The following SVOP variants were observed in gnomAD, a reference collection of about 807,000 sequenced individuals.
The protein encoded by SVOP is SV2 related protein.
A neutral mutation model predicts 69.1 loss-of-function variants in SVOP; 17 were observed. That is an observed-to-expected ratio of 0.25 (90% confidence interval 0.17 to 0.37). The LOEUF is 0.37. Ranked by LOEUF, SVOP falls within the 10% of genes least tolerant of loss-of-function variation. The pLI, the probability that SVOP is intolerant of heterozygous loss-of-function variation, is 1.00. For synonymous variants in SVOP, 238 were observed against 238.6 expected, an observed-to-expected ratio of 1.00 and a Z score of 0.02; for missense variants, 435 against 597.5, an observed-to-expected ratio of 0.73 and a Z score of 2.84.
At chr12:108,930,382 C>T (rs2039809296) in intron 11 of SVOP, among the ~76,000 whole-genome samples, 2 of 149,744 alleles carry the variant, frequency 1.3e-5, no homozygotes, top group South Asian at 4.2e-4. Flanking sequence ...AATTGCTGGA[C>T]TGGTTACAGC....
Position 108,983,666 on chromosome 12 carries a change from C to A in SVOP, c.131G>T (p.Gly44Val). ...ATCATCCAGCTCCACAGCCTCTAGG[C>A]CCACGTGGACCCCTTCAATCTGGAC... is the stretch of plus-strand genomic sequence containing the variant. The part of the protein sequence containing the change: ...HEVQIEGVHV[G>V]LEAVELDDGA... Residue 44 changes from glycine to valine, a missense_variant, in exon 2 of 16, where the codon GGC becomes GTC. Physicochemically the swap from Gly to Val is moderately radical, Grantham distance 109. Transcript: ENST00000610966. The A allele has an allele frequency of 2.5e-6, 1 of 398,828 alleles. No homozygotes were observed. Among genetic ancestry groups the A allele is most frequent in the Non-Finnish European group, 4.4e-6 (1 of 226,212 alleles). 24.7% of individuals were successfully genotyped at this position (398,828 alleles called of 1,614,324 possible). A position where few individuals can be genotyped will look rare whatever the true frequency, so the allele number is the denominator to read the frequency against.
At chr12:108,927,676 G>T (rs1464143694) in intron 11 of SVOP, among the ~76,000 whole-genome samples, 2 of 147,306 alleles carry the variant, frequency 1.4e-5, no homozygotes, top group Non-Finnish European at 3.0e-5. Flanking sequence ...TTCGCTCACT[G>T]CAACCCTCCA....
At chr12:108,977,189 G>T (rs2040111022) in intron 4 of SVOP, among the ~76,000 whole-genome samples, 2 of 152,178 alleles carry the variant, frequency 1.3e-5, no homozygotes, top group South Asian at 2.1e-4. Flanking sequence ...AGGATGCCTG[G>T]GACACCCTCC....
chr12:108,950,341 A>G (rs1037525869), intron 6 of SVOP, among the ~76,000 whole-genome samples: 1 of 150,568 alleles, frequency 6.6e-6, no homozygotes, highest in Non-Finnish European at 1.5e-5. Context: ...TGCCTCCCAA[A>G]GTGCTGGAAC....
rs2039664971 is a variant in SVOP, at chr12:108,909,186, T to A, written c.*3349A>T. On this transcript the variant is annotated 3_prime_UTR_variant, in exon 16 of 16. Transcript: ENST00000610966. Reference sequence around the variant, plus strand: ...ACATTGTTGAGCGTTGAACCTTCTCTGATCTCTGCCTGGTTTTGGTTCTAA... The same window carrying A: ...ACATTGTTGAGCGTTGAACCTTCTCAGATCTCTGCCTGGTTTTGGTTCTAA... 6.6e-6 allele frequency: 1 copy of A among 152,214 alleles called. No individual in the cohort carries two copies. 9.4% of individuals were successfully genotyped at this position (152,214 alleles called of 1,614,324 possible).
chr12:108,976,694 C>A lies in SVOP; in HGVS notation c.381+704G>T, dbSNP rs556173545. On this transcript the variant is annotated intron_variant, in intron 4 of 15. Coordinates refer to ENST00000610966, the MANE Select transcript of SVOP (RefSeq NM_018711.5). ...GCAATGGCACAATCTCAGCTCACTG[C>A]AACCTCTGCCTCCCGGATTCAAGCA... Among the ~76,000 whole-genome samples, 73 of 151,816 alleles carry A rather than the reference C, an allele frequency of 4.8e-4. 1 individual carries two copies. Among genetic ancestry groups the A allele is most frequent in the African/African-American group, 1.7e-3 (71 of 41,392 alleles).
intron 1 of SVOP, among the ~76,000 whole-genome samples, chr12:108,998,635 T>G (rs376126569): frequency 3.9e-5 from 6 of 152,056 alleles, no homozygotes; most frequent in Non-Finnish European, 8.8e-5. Context: ...CTACAAGCCA[T>G]AAGAGAGTGG....
In SVOP at chr12:108,983,707, A is replaced by G. The variant is rs2137438593; in HGVS notation, c.90T>C (p.Ala30=). ...CAATCTGGACTTCATGCTCTCCTGAAGCCGTGTCGTCCTCTGACCTTGCAC... is the reference window on the plus strand; with the variant it reads ...CAATCTGGACTTCATGCTCTCCTGAGGCCGTGTCGTCCTCTGACCTTGCAC... The part of the protein sequence containing the change: ...GESARSEDDT[A]SGEHEVQIEG... The change falls in exon 2 of 16, where the codon GCT becomes GCC. Residue 30 remains alanine, a synonymous_variant. Coordinates refer to ENST00000610966, the MANE Select transcript of SVOP (RefSeq NM_018711.5). The G allele has an allele frequency of 2.5e-6, 1 of 398,830 alleles. No homozygotes were observed. The highest frequency in any genetic ancestry group is 4.4e-6 in the Non-Finnish European group (1 of 226,220). 24.7% of individuals were successfully genotyped at this position (398,830 alleles called of 1,614,324 possible). A position where few individuals can be genotyped will look rare whatever the true frequency, so the allele number is the denominator to read the frequency against.
At chr12:108,998,907 CA>C (rs2040252377) in intron 1 of SVOP, among the ~76,000 whole-genome samples, 1 of 151,304 alleles carries the variant, frequency 6.6e-6, no homozygotes, top group African/African-American at 2.4e-5. Context: ...CATCAACTAA[CA>C]AGCAAAATCA....
At chr12:108,938,791 A>G (rs1489748748) in intron 9 of SVOP, 36 bp downstream of exon 9, 12 of 1,613,550 alleles carry the variant, frequency 7.4e-6, no homozygotes, top group Non-Finnish European at 1.0e-5. Flanking sequence ...GCACCCCGAT[A>G]CGCACATTGC....
chr12:108,946,551 G>A (rs955254509), intron 6 of SVOP, among the ~76,000 whole-genome samples: 5 of 151,696 alleles, frequency 3.3e-5, no homozygotes, highest in South Asian at 2.1e-4. Flanking sequence ...ACAATGGGTC[G>A]AAGCCTGTTA....
chr12:109,012,282 G>GA lies in SVOP; in HGVS notation c.35+8551dup, dbSNP rs576670371. 4.2e-3 allele frequency among the ~76,000 whole-genome samples: 581 copies of GA among 138,204 alleles called. 4 individuals carry two copies. The highest frequency in any genetic ancestry group is 0.023 in the South Asian group (100 of 4,408). The allele number at this position is 138,204 out of a possible 152,430, so 90.7% of individuals were successfully genotyped here. A position where few individuals can be genotyped will look rare whatever the true frequency, so the allele number is the denominator to read the frequency against. On this transcript the variant is annotated intron_variant, in intron 1 of 15. Coordinates refer to ENST00000610966, the MANE Select transcript of SVOP (RefSeq NM_018711.5). ...TGAGCAACAGAGCGAGACTGTCTCA[G>GA]AAAAAAAAAAAAATCAGTTAGACAG...
intron 6 of SVOP, among the ~76,000 whole-genome samples, chr12:108,948,112 G>A (rs2039935001): frequency 6.6e-6 from 1 of 152,134 alleles, no homozygotes; most frequent in Non-Finnish European, 1.5e-5. Context: ...CCATCCCCTG[G>A]CATTGGGGGA....
At chr12:109,011,613 C>A (rs1393021263) in intron 1 of SVOP, among the ~76,000 whole-genome samples, 1 of 152,124 alleles carries the variant, frequency 6.6e-6, no homozygotes, top group African/African-American at 2.4e-5. Context: ...TTAACATGGG[C>A]TCAAAGAGTT....
At chr12:108,929,296 TTTATTTAG>T (rs1271436815) in intron 11 of SVOP, among the ~76,000 whole-genome samples, 1 of 152,168 alleles carries the variant, frequency 6.6e-6, no homozygotes, top group African/African-American at 2.4e-5. Flanking sequence ...TAAATATTTA[TTTATTTAG>T]TTAGTTAGTT....
intron 10 of SVOP, chr12:108,937,040 CGG>C (rs2039860815): frequency 1.9e-6 from 1 of 527,610 alleles, no homozygotes; most frequent in Non-Finnish European, 3.4e-6. Flanking sequence ...CCAGCCTGCA[CGG>C]TGATTAAAAG....
intron 8 of SVOP, among the ~76,000 whole-genome samples, chr12:108,940,228 G>A (rs1792473467): frequency 1.3e-5 from 2 of 152,146 alleles, no homozygotes; most frequent in Admixed American, 6.5e-5. Context: ...GGTATTTACC[G>A]TACATGAGAA....
At chr12:108,996,344 G>A (rs1279468793) in intron 1 of SVOP, among the ~76,000 whole-genome samples, 2 of 152,034 alleles carry the variant, frequency 1.3e-5, no homozygotes, top group East Asian at 3.9e-4. Flanking sequence ...TATTACTTGA[G>A]GTCAGGAGTT....
At chr12:109,020,014 C>T (rs969918950) in intron 1 of SVOP, among the ~76,000 whole-genome samples, 1 of 152,142 alleles carries the variant, frequency 6.6e-6, no homozygotes. Flanking sequence ...AACCCCTGCC[C>T]CACCAATGTT....
Sources: allele counts gnomAD v4.1 joint callset (sites outside exome capture counted in the v4.1 genomes callset), GRCh38; gene constraint gnomAD v4.1.1; transcripts MANE v1.5; gene names NCBI Gene and HGNC (gene_info 2026-07-23, HGNC 2026-07-21).